SPTBN1: variants seen among roughly 807,000 people sequenced by gnomAD.
The protein encoded by SPTBN1 is spectrin beta, non-erythrocytic 1.
In SPTBN1, 32 loss-of-function variants were observed where a neutral mutation model predicts 266.4. That is an observed-to-expected ratio of 0.12 (90% CI 0.09 to 0.16). The LOEUF is 0.16. SPTBN1 is among the 10% of genes least tolerant of loss of function. The pLI is 1.00. For synonymous variants in SPTBN1, 1,336 were observed against 1,162.2 expected (o/e 1.15, Z -3.04); for missense variants, 2,296 against 3,067.1 (o/e 0.75, Z 5.94).
chr2:54,613,852 C>T (rs1677392110), intron 4 of SPTBN1, among the ~76,000 whole-genome samples: 1 of 152,184 alleles, frequency 6.6e-6, no homozygotes, highest in Non-Finnish European at 1.5e-5. Context: ...TCTAGCTTCA[C>T]CCCAGTTTTA....
At position 54,668,437 on chromosome 2, in the gene SPTBN1, A is replaced by G. The variant is rs1681523346; in HGVS notation, c.6963A>G (p.Pro2321=). 1 of 1,614,086 alleles carries G rather than the reference A, an allele frequency of 6.2e-7. No homozygotes were observed. Among genetic ancestry groups the G allele is most frequent in the South Asian group, 1.1e-5 (1 of 91,088 alleles). ...HEVSASTQST[P]ASSRAQTLPT... is the part of the protein sequence containing the mutation. The stretch of plus-strand genomic sequence containing the variant: ...TGTCTGCCAGCACCCAGAGCACGCC[A>G]GCATCCAGCCGCGCGCAGACCCTCC... Residue 2321 remains proline (P), a synonymous_variant, in exon 36 of 36, where the codon CCA becomes CCG. Coordinates refer to ENST00000356805, the MANE Select transcript of SPTBN1 (RefSeq NM_003128.3).
chr2:54,513,864 G>A (rs887328299), intron 1 of SPTBN1, among the ~76,000 whole-genome samples: 3 of 152,140 alleles, frequency 2.0e-5, no homozygotes, highest in African/African-American at 7.2e-5. Flanking sequence ...TTCAAGTTAG[G>A]TGATTTCAAG....
At chr2:54,667,735 T>A in intron 35 of SPTBN1, 89 bp downstream of exon 35, 1 of 1,195,190 alleles carries the variant, frequency 8.4e-7, no homozygotes, top group Non-Finnish European at 1.2e-6. Context: ...GTTCTTCATG[T>A]AAATGATGAT....
intron 32 of SPTBN1, chr2:54,662,717 A>C (rs895045544): frequency 2.0e-5 from 3 of 151,996 alleles, no homozygotes; most frequent in Non-Finnish European, 4.4e-5. Context: ...TTTAAAGTCC[A>C]CTCACATTAT....
chr2:54,564,989 T>C (rs962279358), intron 2 of SPTBN1, among the ~76,000 whole-genome samples: 1 of 152,196 alleles, frequency 6.6e-6, no homozygotes, highest in East Asian at 1.9e-4. Flanking sequence ...CCCTTATTGC[T>C]GTGGTTCCCA....
chr2:54,477,365 T>G (rs1413473314), intron 1 of SPTBN1, among the ~76,000 whole-genome samples: 1 of 151,784 alleles, frequency 6.6e-6, no homozygotes, highest in African/African-American at 2.4e-5. Context: ...GACTAAACTC[T>G]CTAACTCCCC....
chr2:54,592,664 C>T (rs933645532), intron 2 of SPTBN1, among the ~76,000 whole-genome samples: 3 of 152,238 alleles, frequency 2.0e-5, no homozygotes, highest in African/African-American at 4.8e-5. Flanking sequence ...CTGGGAATTA[C>T]AGGTGTGAGC....
intron 1 of SPTBN1, among the ~76,000 whole-genome samples, chr2:54,458,257 T>G (rs550090272): frequency 6.6e-6 from 1 of 152,222 alleles, no homozygotes; most frequent in Non-Finnish European, 1.5e-5. Context: ...AAGACATTTA[T>G]AAGTATATTA....
chr2:54,644,377 A>C lies in SPTBN1; in HGVS notation c.4060A>C (p.Lys1354Gln). The C allele has an allele frequency of 4.3e-6, 7 of 1,614,020 alleles. No individual in the cohort carries two copies. Among genetic ancestry groups the C allele is most frequent in the Non-Finnish European group, 5.9e-6 (7 of 1,179,860 alleles). Residue 1354 changes from lysine to glutamine, a missense_variant, in exon 20 of 36, where the codon AAA becomes CAA. Lys to Gln is a moderately conservative substitution (Grantham distance 53). Transcript: ENST00000356805. ...KPETEAVVKE[K>Q]LTGLHKMWEV... is the part of the protein sequence containing the mutation. ...TGAGACGGAAGCTGTGGTGAAGGAG[A>C]AACTCACTGGTTTACATAAAATGTG...
chr2:54,513,481 T>C (rs549248018), intron 1 of SPTBN1, among the ~76,000 whole-genome samples: 6 of 152,346 alleles, frequency 3.9e-5, no homozygotes, highest in South Asian at 2.1e-4. Flanking sequence ...TACTAACTTA[T>C]GAAATTTCAC....
chr2:54,657,825 T>TACTA (rs1558477849), intron 29 of SPTBN1, 25 bp from the exon 30 acceptor site: 1 of 1,613,928 alleles, frequency 6.2e-7, no homozygotes, highest in South Asian at 1.1e-5. Context: ...GGTCAACGTG[T>TACTA]ACTAACTCAT....
intron 17 of SPTBN1, among the ~76,000 whole-genome samples, chr2:54,636,968 G>T (rs1340457208): frequency 2.0e-5 from 3 of 152,212 alleles, no homozygotes; most frequent in Non-Finnish European, 4.4e-5. Context: ...TCAGTTTCCA[G>T]TCTCTAAGCC....
At chr2:54,505,874 C>T (rs1011721408) in intron 1 of SPTBN1, among the ~76,000 whole-genome samples, 1 of 152,078 alleles carries the variant, frequency 6.6e-6, no homozygotes, top group African/African-American at 2.4e-5. Context: ...CCTGTAATCC[C>T]AGCACTTTGG....
intron 3 of SPTBN1, among the ~76,000 whole-genome samples, chr2:54,607,414 G>A (rs888504960): frequency 6.6e-6 from 1 of 152,168 alleles, no homozygotes; most frequent in Non-Finnish European, 1.5e-5. Context: ...TTTGAGATCA[G>A]GAGTTCAAGA....
chr2:54,457,549 G>T (rs1448822088), intron 1 of SPTBN1, among the ~76,000 whole-genome samples: 1 of 152,176 alleles, frequency 6.6e-6, no homozygotes. Flanking sequence ...AATTCGGTGG[G>T]GTTTATTTGG....
chr2:54,506,267 C>T (rs1331357519), intron 1 of SPTBN1, among the ~76,000 whole-genome samples: 1 of 152,196 alleles, frequency 6.6e-6, no homozygotes, highest in African/African-American at 2.4e-5. Flanking sequence ...GAGGAAAGGG[C>T]TGACCAGGCC....
At chr2:54,479,480 A>G (rs1205697749) in intron 1 of SPTBN1, among the ~76,000 whole-genome samples, 1 of 152,216 alleles carries the variant, frequency 6.6e-6, no homozygotes, top group Non-Finnish European at 1.5e-5. Context: ...GGTCTTTGGT[A>G]GGTGAACACA....
In SPTBN1 at chr2:54,558,098, A is replaced by G. The variant is rs1673000600; in HGVS notation, c.148+31532A>G. On this transcript the variant is annotated intron_variant, in intron 2 of 35. Transcript: ENST00000356805. This position sits in a 1 kb window ranked among gnomAD's most constrained non-coding sequence, Gnocchi z 4.6. ...TAGTAATCGGAGACTTTTCCGTTAC[A>G]TGAGGCTCAACAAAAGATTGTAATT... 4 of 985,278 alleles carry G rather than the reference A, an allele frequency of 4.1e-6. No homozygotes were observed. The highest frequency in any genetic ancestry group is 4.8e-6 in the Non-Finnish European group (4 of 829,912). 61.0% of individuals were successfully genotyped at this position (985,278 alleles called of 1,614,324 possible). A position where few individuals can be genotyped will look rare whatever the true frequency, so the allele number is the denominator to read the frequency against.
chr2:54,555,398 G>A (rs1672809530), intron 2 of SPTBN1, among the ~76,000 whole-genome samples: 2 of 152,208 alleles, frequency 1.3e-5, no homozygotes, highest in Non-Finnish European at 1.5e-5. Context: ...CTAGCCAGAT[G>A]TAAAACCCTG....
Sources: gnomAD v4.1 joint callset for allele counts (sites outside exome capture counted in the v4.1 genomes callset) on GRCh38, gnomAD v4.1.1 for gene constraint, Gnocchi (gnomAD v3.1) non-coding constraint, MANE v1.5 for transcripts, NCBI Gene and HGNC (gene_info 2026-07-23, HGNC 2026-07-21) for gene names.